ABCG1: variants seen among roughly 807,000 people sequenced by gnomAD.
ABCG1 encodes the protein ATP binding cassette subfamily G member 1.
ABCG1 carries 29 observed loss-of-function variants against 69.2 expected under a neutral mutation model. That is an observed-to-expected ratio of 0.42 (90% confidence interval 0.31 to 0.57). The LOEUF is 0.57. Among genes scored for constraint, ABCG1 ranks in the 20% least tolerant of loss-of-function variants. ABCG1 has a pLI of 0.15. For missense variants in ABCG1, 718 were observed against 898.1 expected, an observed-to-expected ratio of 0.80 and a Z score of 2.56; for synonymous variants, 370 against 374.8, an observed-to-expected ratio of 0.99 and a Z score of 0.15.
chr21:42,205,491 T>G (rs1460790599), intron 2 of ABCG1, among the ~76,000 whole-genome samples: 1 of 151,612 alleles, frequency 6.6e-6, no homozygotes, highest in Non-Finnish European at 1.5e-5. Context: ...CCCAGCTACT[T>G]GGAGGCTGAA....
rs2069065982 is a variant in ABCG1 at position 42,291,749 on chromosome 21, CT to C, written c.1653+94del. The C allele has an allele frequency of 7.2e-7, 1 of 1,393,482 alleles. No individual in the cohort carries two copies. The highest frequency in any genetic ancestry group is 1.4e-5 in the African/African-American group (1 of 69,386). 86.3% of individuals were successfully genotyped at this position (1,393,482 alleles called of 1,614,324 possible). On this transcript the variant is annotated intron_variant, in intron 13 of 14. Transcript: ENST00000398449. The surrounding 1 kb of genome is among the most constrained non-coding windows in gnomAD (Gnocchi z 6.4). Reference sequence around the variant, plus strand: ...CTAGGGGGCTCTGCCACCCCTTCCCCTACTTCTGCCCTGACCCTCCTAGATG... The same window carrying C: ...CTAGGGGGCTCTGCCACCCCTTCCCCACTTCTGCCCTGACCCTCCTAGATG...
In ABCG1 at chr21:42,284,556, G is replaced by T; in HGVS notation, c.735-4G>T. 1 of 1,612,672 alleles carries T rather than the reference G, an allele frequency of 6.2e-7. No homozygotes were observed. Among genetic ancestry groups the T allele is most frequent in the Non-Finnish European group, 8.5e-7 (1 of 1,179,956 alleles). On this transcript the variant is annotated splice_region_variant and splice_polypyrimidine_tract_variant and intron_variant, in intron 6 of 14. Transcript: ENST00000398449. ...GGCGTCTCACGGTGCCTCTTGACTT[G>T]CAGCGGCCTGGACAGCGCCTCCTGC...
At chr21:42,230,880 G>A (rs183549181) in intron 2 of ABCG1, among the ~76,000 whole-genome samples, 3 of 152,342 alleles carry the variant, frequency 2.0e-5, no homozygotes, top group South Asian at 4.1e-4. Context: ...GCTCAGAGAC[G>A]TGACCAAGGT....
rs539080821 is a variant in ABCG1 at position 42,220,311 on chromosome 21, C to T, written c.42+1007C>T. Among the ~76,000 whole-genome samples, 5 of 152,316 alleles carry T rather than the reference C, an allele frequency of 3.3e-5. No homozygotes were observed. The South Asian group carries it at 8.3e-4, about 25-fold the overall frequency. ...TAAGCCCACAGTGCATGGCACGCTC[C>T]GGGGCTCACCCCGCCCCTCCCCTGT... On this transcript the variant is annotated intron_variant, in intron 1 of 14. Coordinates refer to ENST00000398449, the MANE Select transcript of ABCG1 (RefSeq NM_016818.3).
In ABCG1 at chr21:42,254,175, C is replaced by T. The variant is rs369657645; in HGVS notation, c.287-16895C>T. 7.2e-5 allele frequency among the ~76,000 whole-genome samples: 11 copies of T among 152,136 alleles called. No homozygotes were observed. The East Asian group carries it at 1.4e-3, about 19-fold the overall frequency. Reference sequence around the variant, plus strand: ...AACCGGATGACACAAGAAAACAATCCTTGGCTGTGGCCGGGTGACCATGTT... The same window carrying T: ...AACCGGATGACACAAGAAAACAATCTTTGGCTGTGGCCGGGTGACCATGTT... On this transcript the variant is annotated intron_variant, in intron 2 of 14. Transcript: ENST00000398449.
chr21:42,200,615 C>T (rs1482657122), intron 1 of ABCG1, among the ~76,000 whole-genome samples: 5 of 106,778 alleles, frequency 4.7e-5, no homozygotes, highest in East Asian at 3.1e-4. Context: ...TTTTTTTAGA[C>T]GGAGTCTCCC....
chr21:42,229,370 G>A (rs2067867658), intron 2 of ABCG1, among the ~76,000 whole-genome samples: 1 of 152,230 alleles, frequency 6.6e-6, no homozygotes, highest in Admixed American at 6.5e-5. Context: ...GAGGCTGGAT[G>A]TCCTGGCATT....
chr21:42,242,204 T>A (rs2068061928), intron 2 of ABCG1, among the ~76,000 whole-genome samples: 1 of 152,346 alleles, frequency 6.6e-6, no homozygotes, highest in South Asian at 2.1e-4. Flanking sequence ...ATTGGCTTTT[T>A]AAAAAGACTA....
chr21:42,220,328 C>T (rs1250752433), intron 1 of ABCG1, among the ~76,000 whole-genome samples: 1 of 152,242 alleles, frequency 6.6e-6, no homozygotes, highest in African/African-American at 2.4e-5. Context: ...CACCCCGCCC[C>T]TCCCCTGTAT....
chr21:42,275,310 C>T (rs2068690367), intron 4 of ABCG1, among the ~76,000 whole-genome samples: 1 of 152,202 alleles, frequency 6.6e-6, no homozygotes, highest in Non-Finnish European at 1.5e-5. Flanking sequence ...ACGCCATTCC[C>T]CTGGGCCCAG....
chr21:42,294,937 C>T (rs35972398), intron 14 of ABCG1: 14,668 of 385,898 alleles, frequency 0.038, 378 homozygotes, highest in Middle Eastern at 0.087. Context: ...GAGCTGCCTT[C>T]GGTGGAAGCG....
In ABCG1 at chr21:42,294,667, G is replaced by A; in HGVS notation, c.1772+7G>A. 6.2e-7 allele frequency: 1 copy of A among 1,612,072 alleles called. No individual in the cohort carries two copies. The highest frequency in any genetic ancestry group is 1.7e-5 in the Admixed American group (1 of 60,022). On this transcript the variant is annotated splice_region_variant and intron_variant, in intron 14 of 14. Transcript: ENST00000398449. ...CCTACATCTCCTATGTCAGGTAGCG[G>A]GCGTGGGGCACGCATGGCGTGGGGA...
chr21:42,277,913 T>C lies in ABCG1; in HGVS notation c.588+968T>C, dbSNP rs962782455. On this transcript the variant is annotated intron_variant, in intron 5 of 14. Transcript: ENST00000398449. ...CTAATATTAAGTAAATGTAAACCAC[T>C]TTGGTATGGAAAAAAAGAGTTGGAC... Among the ~76,000 whole-genome samples, 4 of 152,262 alleles carry C rather than the reference T, an allele frequency of 2.6e-5. No individual in the cohort carries two copies. The East Asian group carries it at 7.7e-4, about 29-fold the overall frequency.
rs1269032878 is a variant in ABCG1 at position 42,294,646 on chromosome 21, C to T, written c.1758C>T (p.Tyr586=). The T allele has an allele frequency of 1.9e-6, 3 of 1,614,016 alleles. No individual in the cohort carries two copies. The highest frequency in any genetic ancestry group is 1.7e-5 in the Admixed American group (1 of 60,036). Residue 586 remains tyrosine (Y), a synonymous_variant, in exon 14 of 15, where the codon TAC becomes TAT. Transcript: ENST00000398449. ...TIPTYLQWMS[Y]ISYVRYGFEG... is the part of the protein sequence containing the mutation. ...CCACGTACCTACAGTGGATGTCCTA[C>T]ATCTCCTATGTCAGGTAGCGGGCGT... is the stretch of plus-strand genomic sequence containing the variant.
chr21:42,219,839 CG>C lies in ABCG1; in HGVS notation c.42+539del. 1.3e-6 allele frequency: 2 copies of C among 1,496,544 alleles called. No homozygotes were observed. Among genetic ancestry groups the C allele is most frequent in the Non-Finnish European group, 8.9e-7 (1 of 1,124,876 alleles). 92.7% of individuals were successfully genotyped at this position (1,496,544 alleles called of 1,614,324 possible). On this transcript the variant is annotated intron_variant, in intron 1 of 14. Coordinates refer to ENST00000398449, the MANE Select transcript of ABCG1 (RefSeq NM_016818.3). This position sits in a 1 kb window ranked among gnomAD's most constrained non-coding sequence, Gnocchi z 5.3. ...GAGCCGGAGCCTGCGACTGCACTCC[CG>C]GGGACACCCTCTCCCGGACCCACTC... is the stretch of plus-strand genomic sequence containing the variant.
chr21:42,255,282 A>G (rs1193552168), intron 2 of ABCG1, among the ~76,000 whole-genome samples: 1 of 152,078 alleles, frequency 6.6e-6, no homozygotes, highest in Non-Finnish European at 1.5e-5. Flanking sequence ...ATGTATGTAC[A>G]TGGTGTGTCT....
chr21:42,283,800 AC>A (rs533557173), intron 6 of ABCG1, among the ~76,000 whole-genome samples: 1,452 of 52,124 alleles, frequency 0.028, 174 homozygotes, highest in Middle Eastern at 0.061. Context: ...ATGAGTGGGG[AC>A]CCCCCCACCT....
chr21:42,241,977 C>CAAAAA lies in ABCG1; in HGVS notation c.286+16078_286+16082dup, dbSNP rs35823612. Among the ~76,000 whole-genome samples the CAAAAA allele has an allele frequency of 4.9e-3, 458 of 94,170 alleles. 6 individuals carry two copies. The highest frequency in any genetic ancestry group is 0.016 in the African/African-American group (409 of 25,882). The allele number at this position is 94,170 out of a possible 152,430, so 61.8% of individuals were successfully genotyped here. A position where few individuals can be genotyped will look rare whatever the true frequency, so the allele number is the denominator to read the frequency against. On this transcript the variant is annotated intron_variant, in intron 2 of 14. Transcript: ENST00000398449. ...TGGACAACAGAGCAAGACCCTGTCT[C>CAAAAA]AAAAAAAAAAAAAAAAAAAGAACTC...
In ABCG1 at chr21:42,201,829, T is replaced by C. The variant is rs112173851; in HGVS notation, c.48+106T>C. ...CCTGATGTAGTCTAGAGATGATTCT[T>C]GGTGTGGGCTGTGGGAGCTCCTGCG... On this transcript the variant is annotated intron_variant, in intron 2 of 15. Transcript: ENST00000398457. The C allele has an allele frequency of 4.4e-3, 6,971 of 1,585,224 alleles. 24 individuals are homozygous for C. The highest frequency in any genetic ancestry group is 5.6e-3 in the Non-Finnish European group (6,478 of 1,161,802).
Sources: gnomAD v4.1 joint callset for allele counts (sites outside exome capture counted in the v4.1 genomes callset) on GRCh38, gnomAD v4.1.1 for gene constraint, Gnocchi (gnomAD v3.1) non-coding constraint, MANE v1.5 for transcripts, NCBI Gene and HGNC (gene_info 2026-07-23, HGNC 2026-07-21) for gene names.